The following SPAG16 variants were observed in gnomAD, a reference collection of about 807,000 sequenced individuals.
SPAG16 encodes the protein sperm associated antigen 16.
In SPAG16, 86 loss-of-function variants were observed where a neutral mutation model predicts 80.4. That is an observed-to-expected ratio of 1.07 (90% CI 0.90 to 1.28). SPAG16 has a LOEUF of 1.28. SPAG16 is among the 50% of genes most tolerant of loss of function. The pLI is 0.00. For synonymous variants in SPAG16, 294 were observed against 265.9 expected, an observed-to-expected ratio of 1.11 and a Z score of -1.03; for missense variants, 870 against 765.3, an observed-to-expected ratio of 1.14 and a Z score of -1.61.
chr2:213,502,614 G>A (rs1157381023), intron 10 of SPAG16, among the ~76,000 whole-genome samples: 1 of 152,122 alleles, frequency 6.6e-6, no homozygotes, highest in Non-Finnish European at 1.5e-5. Flanking sequence ...CTTAAATCTT[G>A]GATGATGTTA....
intron 10 of SPAG16, among the ~76,000 whole-genome samples, chr2:213,752,986 A>G (rs1047827158): frequency 6.6e-6 from 1 of 152,192 alleles, no homozygotes; most frequent in Non-Finnish European, 1.5e-5. Flanking sequence ...AGTCAATTCT[A>G]TGCTAACTCA....
chr2:213,517,097 A>G (rs182660477), intron 10 of SPAG16, among the ~76,000 whole-genome samples: 4 of 152,292 alleles, frequency 2.6e-5, no homozygotes, highest in Admixed American at 2.6e-4. Context: ...TAAAACTGAT[A>G]AGTAATTTTA....
intron 14 of SPAG16, among the ~76,000 whole-genome samples, chr2:214,138,151 A>G (rs1229350059): frequency 4.6e-5 from 7 of 152,138 alleles, no homozygotes; most frequent in Non-Finnish European, 7.4e-5. Flanking sequence ...TCAGAGAGCA[A>G]AGTCCAAAGG....
At chr2:214,175,302 AAT>A (rs1338809385) in intron 15 of SPAG16, among the ~76,000 whole-genome samples, 1 of 69,430 alleles carries the variant, frequency 1.4e-5, no homozygotes, top group African/African-American at 3.3e-5. Flanking sequence ...TATATAAAGA[AAT>A]ATATATATAA....
intron 4 of SPAG16, among the ~76,000 whole-genome samples, chr2:213,314,666 A>G (rs2063329562): frequency 6.6e-6 from 1 of 151,918 alleles, no homozygotes; most frequent in Non-Finnish European, 1.5e-5. Context: ...TTTATCACAT[A>G]CTATTTTATT....
chr2:214,111,966 A>G (rs995059252), intron 14 of SPAG16, among the ~76,000 whole-genome samples: 1 of 152,198 alleles, frequency 6.6e-6, no homozygotes, highest in East Asian at 1.9e-4. Flanking sequence ...ATTTTTGCAC[A>G]TTGATTTTGT....
rs557284015 is a variant in SPAG16, at chr2:213,362,919, C to T, written c.763-1157C>T. Among the ~76,000 whole-genome samples the T allele has an allele frequency of 3.9e-5, 6 of 152,260 alleles. No homozygotes were observed. The East Asian group carries it at 1.2e-3, about 29-fold the overall frequency. On this transcript the variant is annotated intron_variant, in intron 7 of 15. Transcript: ENST00000331683. ...ACTTCCCCCTAGGCCCCACCTCCAA[C>T]ACTGGGGATCACTTTTCAACAAGAG... is the stretch of plus-strand genomic sequence containing the variant.
chr2:213,924,579 T>C (rs2078378389), intron 11 of SPAG16, among the ~76,000 whole-genome samples: 1 of 152,230 alleles, frequency 6.6e-6, no homozygotes, highest in African/African-American at 2.4e-5. Context: ...TCGTCTGCCA[T>C]CTTGGCCCTA....
At chr2:213,894,802 A>G (rs6756446) in intron 11 of SPAG16, among the ~76,000 whole-genome samples, 2 of 151,740 alleles carry the variant, frequency 1.3e-5, no homozygotes, top group Non-Finnish European at 2.9e-5. Context: ...CATCCTGGCT[A>G]ACATGGTGAA....
At chr2:213,503,541 C>T (rs2074838815) in intron 10 of SPAG16, among the ~76,000 whole-genome samples, 1 of 152,052 alleles carries the variant, frequency 6.6e-6, no homozygotes, top group Non-Finnish European at 1.5e-5. Context: ...GTGAGATCAA[C>T]CTTTTCTTTT....
chr2:214,395,380 A>G (rs1288759826), intron 15 of SPAG16, among the ~76,000 whole-genome samples: 2 of 152,086 alleles, frequency 1.3e-5, no homozygotes, highest in South Asian at 2.1e-4. Flanking sequence ...GGTGTTATCA[A>G]TGTTCTGGTG....
At chr2:214,246,857 G>A (rs1038738167) in intron 15 of SPAG16, among the ~76,000 whole-genome samples, 1 of 151,878 alleles carries the variant, frequency 6.6e-6, no homozygotes, top group Non-Finnish European at 1.5e-5. Flanking sequence ...GCCACAAATT[G>A]CTTCTTTATT....
intron 12 of SPAG16, among the ~76,000 whole-genome samples, chr2:213,959,041 C>T (rs565092146): frequency 3.3e-5 from 5 of 152,200 alleles, no homozygotes; most frequent in Admixed American, 6.5e-5. Context: ...AGTTCGTTGA[C>T]GGTTTTTGTT....
intron 14 of SPAG16, among the ~76,000 whole-genome samples, chr2:214,112,707 A>G (rs1331782231): frequency 7.6e-6 from 1 of 131,754 alleles, no homozygotes; most frequent in African/African-American, 2.9e-5. Flanking sequence ...TTTTGAGCCT[A>G]TGTGTGTCTC....
chr2:214,360,545 A>T (rs1181865629), intron 15 of SPAG16, among the ~76,000 whole-genome samples: 1 of 151,866 alleles, frequency 6.6e-6, no homozygotes, highest in Non-Finnish European at 1.5e-5. Context: ...TCTGAGATAG[A>T]TGCAAATCCA....
In SPAG16 at chr2:214,288,253, TTTA is replaced by T. The variant is rs1418955784; in HGVS notation, c.1721-121881_1721-121879del. Among the ~76,000 whole-genome samples the T allele has an allele frequency of 2.0e-5, 3 of 152,300 alleles. No homozygotes were observed. In the East Asian group the frequency reaches 5.8e-4, roughly 29 times the overall value. On this transcript the variant is annotated intron_variant, in intron 15 of 15. Transcript: ENST00000331683. ...TCCATGTTACTGCAAATGCCCTAAT[TTTA>T]TTATTTTTATGGCCAAATAGTATTC...
At chr2:213,451,291 C>T (rs1332441956) in intron 9 of SPAG16, among the ~76,000 whole-genome samples, 2 of 152,072 alleles carry the variant, frequency 1.3e-5, no homozygotes, top group African/African-American at 2.4e-5. Flanking sequence ...GAAACAAGTA[C>T]GTTATCCTCT....
chr2:213,344,466 T>G (rs957756978), intron 6 of SPAG16, among the ~76,000 whole-genome samples: 14 of 152,056 alleles, frequency 9.2e-5, no homozygotes, highest in Non-Finnish European at 1.9e-4. Context: ...GCCATGTTGG[T>G]GTGCTGCACC....
chr2:213,802,955 A>G (rs2071512369), intron 10 of SPAG16, among the ~76,000 whole-genome samples: 1 of 152,158 alleles, frequency 6.6e-6, no homozygotes, highest in Admixed American at 6.5e-5. Flanking sequence ...AGCTACCATA[A>G]CTGAATAGGT....
Sources: gnomAD v4.1 joint callset for allele counts (sites outside exome capture counted in the v4.1 genomes callset) on GRCh38, gnomAD v4.1.1 for gene constraint, MANE v1.5 for transcripts, NCBI Gene and HGNC (gene_info 2026-07-23, HGNC 2026-07-21) for gene names.